Variants in MAP3K5 observed in about 807,000 individuals in gnomAD.
MAP3K5 encodes mitogen-activated protein kinase kinase kinase 5, also known as ASK-1.
Under a neutral mutation model 158.7 loss-of-function variants are expected in MAP3K5, and 56 were observed. That is an observed-to-expected ratio of 0.35 (90% CI 0.28 to 0.44). The LOEUF (loss-of-function observed/expected upper bound fraction) is 0.44, where lower values mean the gene tolerates loss of function less well. MAP3K5 is among the 20% of genes least tolerant of loss of function. The pLI, the probability that MAP3K5 is intolerant of heterozygous loss-of-function variation, is 1.00. For missense variants in MAP3K5, 1,294 were observed against 1,674.8 expected (o/e 0.77, Z 3.97); for synonymous variants, 579 against 601.7 (o/e 0.96, Z 0.55).
At position 136,737,033 on chromosome 6, in the gene MAP3K5, G is replaced by GTATATATATATATATATATA. The variant is rs796790486; in HGVS notation, c.449-16445_449-16444insTATATATATATATATATATA. 5.9e-3 allele frequency among the ~76,000 whole-genome samples: 657 copies of GTATATATATATATATATATA among 111,810 alleles called. 6 individuals carry two copies. Among genetic ancestry groups the GTATATATATATATATATATA allele is most frequent in the African/African-American group, 0.012 (209 of 17,574 alleles). The allele number at this position is 111,810 out of a possible 152,430, so 73.4% of individuals were successfully genotyped here. ...AAATTAATTTTACATATATATATGTGTGTGTATATATATATATATATATAA... is the reference window on the plus strand; with the variant it reads ...AAATTAATTTTACATATATATATGTGTATATATATATATATATATATGTGTATATATATATATATATATAA... On this transcript the variant is annotated intron_variant, in intron 1 of 29. Coordinates refer to ENST00000359015, the MANE Select transcript of MAP3K5 (RefSeq NM_005923.4).
chr6:136,745,012 A>G (rs1184242984), intron 1 of MAP3K5, among the ~76,000 whole-genome samples: 3 of 152,172 alleles, frequency 2.0e-5, no homozygotes, highest in Non-Finnish European at 4.4e-5. Flanking sequence ...ACAAATATTC[A>G]TTTTCACATT....
Position 136,748,671 on chromosome 6 carries a change from A to G in MAP3K5, c.449-28082T>C, listed in dbSNP as rs367633611. Among the ~76,000 whole-genome samples, 35 of 152,378 alleles carry G rather than the reference A, an allele frequency of 2.3e-4. No individual in the cohort carries two copies. In the East Asian group the frequency reaches 6.0e-3, roughly 26 times the overall value. On this transcript the variant is annotated intron_variant, in intron 1 of 29. Coordinates refer to ENST00000359015, the MANE Select transcript of MAP3K5 (RefSeq NM_005923.4). ...TACAGAATTTAACACCTGGCATGGTACAATAAGATACCTTAGAAATAAAGA... is the reference window on the plus strand; with the variant it reads ...TACAGAATTTAACACCTGGCATGGTGCAATAAGATACCTTAGAAATAAAGA...
chr6:136,610,183 C>T (rs1776270184), intron 18 of MAP3K5, among the ~76,000 whole-genome samples: 1 of 151,656 alleles, frequency 6.6e-6, no homozygotes, highest in African/African-American at 2.4e-5. Flanking sequence ...AAGAACTTAA[C>T]ACTTCATGAG....
At chr6:136,635,875 C>A (rs1777609739) in intron 14 of MAP3K5, among the ~76,000 whole-genome samples, 1 of 152,014 alleles carries the variant, frequency 6.6e-6, no homozygotes, top group East Asian at 1.9e-4. Flanking sequence ...GGTAACACAG[C>A]AAGAGCCGGT....
chr6:136,638,851 G>A (rs1233775276), intron 13 of MAP3K5, among the ~76,000 whole-genome samples: 1 of 152,168 alleles, frequency 6.6e-6, no homozygotes, highest in Admixed American at 6.6e-5. Context: ...GCAAAATTCT[G>A]AGTCCAAACT....
At position 136,786,800 on chromosome 6, in the gene MAP3K5, C is replaced by CTT. The variant is rs11296757; in HGVS notation, c.448+4908_448+4909dup. On this transcript the variant is annotated intron_variant, in intron 1 of 29. Coordinates refer to ENST00000359015, the MANE Select transcript of MAP3K5 (RefSeq NM_005923.4). Reference sequence around the variant, plus strand: ...AAATGTTACCAAACTTTAAGTTCTTCTTTTTTTTTTTTTTTTTTTTTTGAA... The same window carrying CTT: ...AAATGTTACCAAACTTTAAGTTCTTCTTTTTTTTTTTTTTTTTTTTTTTTGAA... Among the ~76,000 whole-genome samples the CTT allele has an allele frequency of 4.4e-3, 449 of 101,056 alleles. 11 individuals carry two copies. The South Asian group carries it at 0.057, about 13-fold the overall frequency. The allele number at this position is 101,056 out of a possible 152,430, so 66.3% of individuals were successfully genotyped here.
chr6:136,699,695 T>C lies in MAP3K5; in HGVS notation c.613-1013A>G, dbSNP rs1479993288. Among the ~76,000 whole-genome samples, 3 of 152,330 alleles carry C rather than the reference T, an allele frequency of 2.0e-5. No individual in the cohort carries two copies. The East Asian group carries it at 5.8e-4, about 29-fold the overall frequency. On this transcript the variant is annotated intron_variant, in intron 3 of 29. Coordinates refer to ENST00000359015, the MANE Select transcript of MAP3K5 (RefSeq NM_005923.4). ...GTTGGATACCCTGAGTAAGCAAATC[T>C]GACTGGAGCTCGAAGCTCAGGGAAG...
At chr6:136,663,001 C>T (rs1185719319) in intron 8 of MAP3K5, among the ~76,000 whole-genome samples, 1 of 152,154 alleles carries the variant, frequency 6.6e-6, no homozygotes, top group Non-Finnish European at 1.5e-5. Context: ...AGTCTTATCA[C>T]CTTGCAGCTG....
intron 20 of MAP3K5, among the ~76,000 whole-genome samples, chr6:136,601,505 C>T (rs1053379583): frequency 2.0e-4 from 30 of 152,122 alleles, no homozygotes; most frequent in African/African-American, 6.5e-4. Context: ...TAAATTTAAC[C>T]CCTCTTACAC....
At chr6:136,574,301 A>G (rs1039473658) in intron 25 of MAP3K5, among the ~76,000 whole-genome samples, 1 of 152,220 alleles carries the variant, frequency 6.6e-6, no homozygotes, top group Non-Finnish European at 1.5e-5. Context: ...AGTGCAGTGT[A>G]TAACACTTGC....
intron 14 of MAP3K5, chr6:136,629,239 A>G (rs528065529): frequency 6.6e-6 from 1 of 152,340 alleles, no homozygotes; most frequent in African/African-American, 2.4e-5. Flanking sequence ...CACCTTAGAA[A>G]AAACCATGCA....
In MAP3K5 at chr6:136,750,714, G is replaced by A. The variant is rs117948591; in HGVS notation, c.449-30125C>T. Among the ~76,000 whole-genome samples the A allele has an allele frequency of 2.8e-3, 424 of 152,286 alleles. 3 individuals carry two copies. The highest frequency in any genetic ancestry group is 4.1e-3 in the Non-Finnish European group (279 of 68,032). Reference sequence around the variant, plus strand: ...TATCTTTCGTTTCAATTGGAGAAAGGTCTTAAACTTGTGAAAATCCTGTCA... The same window carrying A: ...TATCTTTCGTTTCAATTGGAGAAAGATCTTAAACTTGTGAAAATCCTGTCA... On this transcript the variant is annotated intron_variant, in intron 1 of 29. Transcript: ENST00000359015.
chr6:136,790,182 C>T (rs1236467897), intron 1 of MAP3K5, among the ~76,000 whole-genome samples: 2 of 152,216 alleles, frequency 1.3e-5, no homozygotes, highest in African/African-American at 4.8e-5. Flanking sequence ...ATCATTCTCT[C>T]TCCCTTTCCC....
intron 2 of MAP3K5, among the ~76,000 whole-genome samples, chr6:136,706,301 T>C (rs1406256277): frequency 6.6e-6 from 1 of 151,904 alleles, no homozygotes; most frequent in Non-Finnish European, 1.5e-5. Flanking sequence ...GTGTGGGCAG[T>C]GTGCCCATCT....
intron 1 of MAP3K5, among the ~76,000 whole-genome samples, chr6:136,738,867 T>C (rs919609033): frequency 6.6e-6 from 1 of 151,628 alleles, no homozygotes; most frequent in Admixed American, 6.6e-5. Context: ...GTTCATGAAA[T>C]CCCTACTAAG....
chr6:136,563,164 CTG>C (rs1192397412), intron 26 of MAP3K5, among the ~76,000 whole-genome samples: 1 of 152,150 alleles, frequency 6.6e-6, no homozygotes, highest in Non-Finnish European at 1.5e-5. Context: ...CTTTGGAAGA[CTG>C]TGCTTGCCGA....
intron 11 of MAP3K5, among the ~76,000 whole-genome samples, chr6:136,646,286 A>G (rs1353774322): frequency 6.6e-6 from 1 of 152,210 alleles, no homozygotes; most frequent in Non-Finnish European, 1.5e-5. Context: ...TGGACAGTAC[A>G]TAACTTAAAT....
At chr6:136,571,281 T>C (rs1037471740) in intron 25 of MAP3K5, among the ~76,000 whole-genome samples, 3 of 152,202 alleles carry the variant, frequency 2.0e-5, no homozygotes, top group Non-Finnish European at 4.4e-5. Context: ...GTGTACCTTA[T>C]TCTTCTTGGT....
At chr6:136,572,973 G>C (rs1039082757) in intron 25 of MAP3K5, among the ~76,000 whole-genome samples, 1 of 152,120 alleles carries the variant, frequency 6.6e-6, no homozygotes, top group Admixed American at 6.5e-5. Context: ...GATTATCTCA[G>C]GTATAGACCT....
Sources: gnomAD v4.1 joint callset for allele counts (sites outside exome capture counted in the v4.1 genomes callset) on GRCh38, gnomAD v4.1.1 for gene constraint, MANE v1.5 for transcripts, NCBI Gene and HGNC (gene_info 2026-07-23, HGNC 2026-07-21) for gene names.